The following ORC3 variants were observed in gnomAD, a reference collection of about 807,000 sequenced individuals.
ORC3 encodes origin recognition complex subunit 3.
Under a neutral mutation model 100.7 loss-of-function variants are expected in ORC3, and 78 were observed. The ratio of observed to expected loss-of-function variants is 0.77; its 90% CI spans 0.65 to 0.94. The LOEUF is 0.94. Among genes scored for constraint, ORC3 ranks in the 40% least tolerant of loss-of-function variants. The pLI, the probability that ORC3 is intolerant of heterozygous loss-of-function variation, is 0.00. For synonymous variants in ORC3, 295 were observed against 289.3 expected, an observed-to-expected ratio of 1.02 and a Z score of -0.20; for missense variants, 789 against 823.9, an observed-to-expected ratio of 0.96 and a Z score of 0.52.
chr6:87,642,655 C>G (rs974960640), intron 13 of ORC3, among the ~76,000 whole-genome samples: 2 of 151,946 alleles, frequency 1.3e-5, no homozygotes, highest in African/African-American at 4.8e-5. Flanking sequence ...GTAATCCCAG[C>G]ACTTTGGGAG....
rs965715637 is a variant in ORC3, at chr6:87,594,914, TA to T, written c.79+512del. On this transcript the variant is annotated intron_variant, in intron 2 of 19. Transcript: ENST00000392844. ...TATATATTTTCTAATGAAAATTGTA[TA>T]AAAATTATTTTTGAGTTAAAATACA... 2.6e-5 allele frequency among the ~76,000 whole-genome samples: 4 copies of T among 152,366 alleles called. No individual in the cohort carries two copies. The South Asian group carries it at 6.2e-4, about 24-fold the overall frequency.
At chr6:87,676,474 A>G in the ORC3 span, among the ~76,000 whole-genome samples, 8 of 91,292 alleles carry the variant, frequency 8.8e-5, no homozygotes, top group South Asian at 3.6e-4. Flanking sequence ...AAAAAAAACG[A>G]GGCCGGGCGC....
At chr6:87,606,112 T>A in intron 5 of ORC3, 91 bp downstream of exon 5, 1 of 768,084 alleles carries the variant, frequency 1.3e-6, no homozygotes, top group East Asian at 2.5e-5. Context: ...TTATCCCTTT[T>A]TTTGGTGGAA....
intron 10 of ORC3, 60 bp downstream of exon 10, chr6:87,621,547 A>T (rs1486098029): frequency 9.0e-6 from 10 of 1,117,230 alleles, no homozygotes; most frequent in Non-Finnish European, 1.2e-6. Context: ...TAAATAAGAG[A>T]TCTCAGATCC....
At chr6:87,625,616 C>G (rs1779843185) in intron 11 of ORC3, among the ~76,000 whole-genome samples, 1 of 152,128 alleles carries the variant, frequency 6.6e-6, no homozygotes, top group Non-Finnish European at 1.5e-5. Flanking sequence ...GGGTAGATTG[C>G]AAAAATTTTC....
At position 87,644,079 on chromosome 6, in the gene ORC3, C is replaced by CTTT. The variant is rs1156943778; in HGVS notation, c.1382+7622_1382+7624dup. Reference sequence around the variant, plus strand: ...CCACAGATACAGATGGCTGACTGTCCTTTTTTTTTTTTTTTTTTTTTTTTT... The same window carrying CTTT: ...CCACAGATACAGATGGCTGACTGTCCTTTTTTTTTTTTTTTTTTTTTTTTTTTT... On this transcript the variant is annotated intron_variant, in intron 13 of 19. Transcript: ENST00000392844. Among the ~76,000 whole-genome samples the CTTT allele has an allele frequency of 8.4e-3, 432 of 51,422 alleles. 89 individuals are homozygous for CTTT. Among genetic ancestry groups the CTTT allele is most frequent in the African/African-American group, 0.023 (240 of 10,522 alleles). The allele number at this position is 51,422 out of a possible 152,430, so 33.7% of individuals were successfully genotyped here. A position where few individuals can be genotyped will look rare whatever the true frequency, so the allele number is the denominator to read the frequency against.
intron 13 of ORC3, among the ~76,000 whole-genome samples, chr6:87,647,854 T>C (rs1361567677): frequency 6.6e-6 from 1 of 152,238 alleles, no homozygotes; most frequent in East Asian, 1.9e-4. Context: ...TGGAATAAGC[T>C]AAATATTTTG....
intron 7 of ORC3, among the ~76,000 whole-genome samples, chr6:87,610,708 C>T (rs1484043500): frequency 6.8e-6 from 1 of 146,296 alleles, no homozygotes; most frequent in African/African-American, 2.6e-5. Flanking sequence ...CGCCCGCCAC[C>T]GCGCCTGGCT....
intron 19 of ORC3, among the ~76,000 whole-genome samples, chr6:87,666,667 G>A (rs1770667499): frequency 6.6e-6 from 1 of 151,764 alleles, no homozygotes; most frequent in Admixed American, 6.6e-5. Context: ...TTGAACTCCT[G>A]ACCTTAGGTG....
At chr6:87,601,339 A>T (rs1777879452) in intron 2 of ORC3, among the ~76,000 whole-genome samples, 1 of 152,198 alleles carries the variant, frequency 6.6e-6, no homozygotes, top group Non-Finnish European at 1.5e-5. Context: ...AGGATATTGA[A>T]TGTTACCTGT....
intron 7 of ORC3, among the ~76,000 whole-genome samples, chr6:87,610,231 C>T (rs1778640690): frequency 6.6e-6 from 1 of 151,924 alleles, no homozygotes; most frequent in Non-Finnish European, 1.5e-5. Flanking sequence ...TTTTTGGAGA[C>T]AGAGTCTCGC....
At chr6:87,669,017 C>T (rs954704061), downstream of ORC3, among the ~76,000 whole-genome samples, 5 of 152,058 alleles carry the variant, frequency 3.3e-5, no homozygotes, top group Middle Eastern at 3.4e-3. Flanking sequence ...ATTAGCTGGG[C>T]GTGGTGGCAC....
At chr6:87,623,825 G>A (rs1219066004) in intron 11 of ORC3, among the ~76,000 whole-genome samples, 1 of 151,824 alleles carries the variant, frequency 6.6e-6, no homozygotes, top group African/African-American at 2.4e-5. Flanking sequence ...TGGAGGCTGT[G>A]GTAAGCCGAG....
chr6:87,620,479 C>G (rs143871670), intron 9 of ORC3, among the ~76,000 whole-genome samples: 259 of 152,220 alleles, frequency 1.7e-3, no homozygotes, highest in African/African-American at 5.8e-3. Context: ...ATTATCAGTT[C>G]CCCCAGGAAG....
rs71021304 is a variant in ORC3 at position 87,599,354 on chromosome 6, ATTAT to A, written c.80-2403_80-2400del. ...TTGTTCTGCTTTGTCTCTTTTTTTT[ATTAT>A]TTATTTATTTATTTATTTATTTATT... On this transcript the variant is annotated intron_variant, in intron 2 of 19. Coordinates refer to ENST00000392844, the MANE Select transcript of ORC3 (RefSeq NM_012381.4). 9.3e-3 allele frequency among the ~76,000 whole-genome samples: 1,350 copies of A among 145,154 alleles called. 21 individuals are homozygous for A. The highest frequency in any genetic ancestry group is 0.032 in the African/African-American group (1,240 of 39,174).
chr6:87,668,285 A>T (rs1337944498), downstream of ORC3, among the ~76,000 whole-genome samples: 2 of 152,150 alleles, frequency 1.3e-5, no homozygotes, highest in South Asian at 4.1e-4. Flanking sequence ...TTGCAGGATT[A>T]TGTGTGTGTG....
chr6:87,652,753 T>G (rs1036971062), intron 13 of ORC3, among the ~76,000 whole-genome samples: 1 of 152,268 alleles, frequency 6.6e-6, no homozygotes, highest in Non-Finnish European at 1.5e-5. Context: ...TCTCATTTAA[T>G]TTTTAAGTCT....
chr6:87,644,726 A>G (rs530046361), intron 13 of ORC3, among the ~76,000 whole-genome samples: 19 of 152,178 alleles, frequency 1.2e-4, no homozygotes, highest in African/African-American at 3.6e-4. Context: ...GCGTGTGCCT[A>G]TAATTCCAGC....
At chr6:87,619,737 G>A (rs1048326417) in intron 9 of ORC3, among the ~76,000 whole-genome samples, 2 of 152,180 alleles carry the variant, frequency 1.3e-5, no homozygotes, top group Non-Finnish European at 2.9e-5. Context: ...ATTATCCTCA[G>A]TTTTGCACAT....
Sources: allele counts gnomAD v4.1 joint callset (sites outside exome capture counted in the v4.1 genomes callset), GRCh38; gene constraint gnomAD v4.1.1; transcripts MANE v1.5; gene names NCBI Gene and HGNC (gene_info 2026-07-23, HGNC 2026-07-21).